The following SMYD3 variants were observed in gnomAD, a reference collection of about 807,000 sequenced individuals.
SMYD3 encodes the protein SET and MYND domain containing 3.
SMYD3 carries 36 observed loss-of-function variants against 57.7 expected under a neutral mutation model. The observed-to-expected ratio is 0.62, with a 90% CI of 0.48 to 0.82. The LOEUF (loss-of-function observed/expected upper bound fraction) is 0.82. SMYD3 is among the 40% of genes least tolerant of loss of function. The probability of loss-of-function intolerance (pLI) is 0.00; values close to 1 mark genes in which losing one functional copy is unlikely to be tolerated. For synonymous variants in SMYD3, 211 were observed against 195.0 expected (o/e 1.08, Z -0.68); for missense variants, 515 against 538.8 (o/e 0.96, Z 0.44).
intron 5 of SMYD3, among the ~76,000 whole-genome samples, chr1:246,235,869 G>C (rs894182695): frequency 1.3e-5 from 2 of 152,124 alleles, no homozygotes; most frequent in African/African-American, 4.8e-5. Flanking sequence ...AATATGGCTA[G>C]TGCAACTGAG....
intron 1 of SMYD3, among the ~76,000 whole-genome samples, chr1:246,385,450 G>T (rs2066459965): frequency 6.6e-6 from 1 of 151,654 alleles, no homozygotes. Flanking sequence ...ATATTAAAAT[G>T]TTATAAATAT....
At chr1:246,143,380 A>G (rs1056471272) in intron 5 of SMYD3, among the ~76,000 whole-genome samples, 2 of 152,180 alleles carry the variant, frequency 1.3e-5, no homozygotes, top group Non-Finnish European at 2.9e-5. Context: ...ATTTTGAAAG[A>G]AAAAAAGTCA....
intron 5 of SMYD3, among the ~76,000 whole-genome samples, chr1:246,163,256 G>A (rs1318298087): frequency 2.0e-5 from 3 of 152,138 alleles, no homozygotes; most frequent in Admixed American, 6.6e-5. Context: ...AGCTTGCCTT[G>A]ATTTTATAAA....
intron 1 of SMYD3, among the ~76,000 whole-genome samples, chr1:246,390,643 C>T (rs1372881223): frequency 6.6e-6 from 1 of 152,136 alleles, no homozygotes; most frequent in Non-Finnish European, 1.5e-5. Context: ...ACTTTAACAA[C>T]ATATTTTATT....
At chr1:245,755,328 T>C (rs924518380) in intron 11 of SMYD3, among the ~76,000 whole-genome samples, 1 of 152,252 alleles carries the variant, frequency 6.6e-6, no homozygotes, top group African/African-American at 2.4e-5. Flanking sequence ...TGGTCTCTTT[T>C]GGTATTATAG....
intron 5 of SMYD3, among the ~76,000 whole-genome samples, chr1:246,316,685 C>A (rs1430013500): frequency 1.5e-4 from 22 of 145,602 alleles, no homozygotes; most frequent in Admixed American, 6.1e-4. Flanking sequence ...CTGGCCAAGA[C>A]CCTGTCTTTT....
intron 10 of SMYD3, among the ~76,000 whole-genome samples, chr1:245,789,332 G>A (rs1031579125): frequency 6.6e-6 from 1 of 152,166 alleles, no homozygotes; most frequent in African/African-American, 2.4e-5. Context: ...TTCTAACCAA[G>A]CTAGCAGGGA....
At chr1:246,407,106 G>T (rs1407855902) in intron 1 of SMYD3, among the ~76,000 whole-genome samples, 1 of 152,130 alleles carries the variant, frequency 6.6e-6, no homozygotes, top group Non-Finnish European at 1.5e-5. Context: ...CAATAATTGG[G>T]GGGTACCATC....
At chr1:246,290,630 A>C (rs2064670992) in intron 5 of SMYD3, among the ~76,000 whole-genome samples, 1 of 152,156 alleles carries the variant, frequency 6.6e-6, no homozygotes, top group African/African-American at 2.4e-5. Context: ...TCGTTTTCCT[A>C]ATATCAATAA....
intron 5 of SMYD3, among the ~76,000 whole-genome samples, chr1:246,101,064 GTTTTTTGTTTTTTTTTTTTTT>G (rs1268333565): frequency 1.0e-4 from 8 of 78,596 alleles, no homozygotes; most frequent in African/African-American, 2.6e-4. Context: ...ATTTTTAGGG[GTTTTTTGTTTTTTTTTTTTTT>G]TTTTTTTTTT....
At chr1:246,159,152 G>C (rs563430663) in intron 5 of SMYD3, among the ~76,000 whole-genome samples, 1 of 152,144 alleles carries the variant, frequency 6.6e-6, no homozygotes, top group South Asian at 2.1e-4. Flanking sequence ...TAAAGTGCTG[G>C]GGGGAAAGCA....
intron 1 of SMYD3, among the ~76,000 whole-genome samples, chr1:246,447,399 C>T (rs963476767): frequency 6.6e-6 from 1 of 152,144 alleles, no homozygotes; most frequent in Non-Finnish European, 1.5e-5. Flanking sequence ...CAGAAAAATT[C>T]TTGGCTATAA....
At chr1:246,184,249 A>G (rs532871327) in intron 5 of SMYD3, among the ~76,000 whole-genome samples, 5 of 152,360 alleles carry the variant, frequency 3.3e-5, no homozygotes, top group African/African-American at 1.2e-4. Context: ...TGACCCAAAG[A>G]GGTCTCAGGC....
intron 10 of SMYD3, among the ~76,000 whole-genome samples, chr1:245,819,034 C>T (rs1281292197): frequency 1.0e-5 from 1 of 98,936 alleles, no homozygotes; most frequent in African/African-American, 4.0e-5. Flanking sequence ...CAGCTCTGCA[C>T]CAAGCGGACC....
chr1:246,160,920 T>G (rs2148197893), intron 5 of SMYD3, among the ~76,000 whole-genome samples: 1 of 152,320 alleles, frequency 6.6e-6, no homozygotes, highest in Admixed American at 6.5e-5. Flanking sequence ...AGAGCAACTC[T>G]GATATTCTCC....
At chr1:246,088,128 G>A (rs2060751074) in intron 5 of SMYD3, among the ~76,000 whole-genome samples, 2 of 151,942 alleles carry the variant, frequency 1.3e-5, no homozygotes, top group Admixed American at 1.3e-4. Flanking sequence ...TACAGCGAGC[G>A]CCATGCACTT....
chr1:246,317,488 T>C (rs1241128111), intron 5 of SMYD3, among the ~76,000 whole-genome samples: 2 of 152,228 alleles, frequency 1.3e-5, no homozygotes, highest in Admixed American at 6.5e-5. Flanking sequence ...TTTTAAATGG[T>C]TGGGGAGAAA....
At chr1:245,886,734 T>C in intron 8 of SMYD3, among the ~76,000 whole-genome samples, 1 of 152,210 alleles carries the variant, frequency 6.6e-6, no homozygotes, top group East Asian at 1.9e-4. Flanking sequence ...ATATTTGAAT[T>C]TTTTATTCTT....
intron 2 of SMYD3, among the ~76,000 whole-genome samples, chr1:246,342,399 T>C (rs779052192): frequency 2.4e-4 from 37 of 152,166 alleles, no homozygotes; most frequent in Non-Finnish European, 4.3e-4. Flanking sequence ...GTTTGCTTGA[T>C]AGCAAATAAA....
Sources: allele counts gnomAD v4.1 joint callset (sites outside exome capture counted in the v4.1 genomes callset), GRCh38; gene constraint gnomAD v4.1.1; transcripts MANE v1.5; gene names NCBI Gene and HGNC (gene_info 2026-07-23, HGNC 2026-07-21).